ZDHHC1: variants seen among roughly 807,000 people sequenced by gnomAD.
The protein encoded by ZDHHC1 is palmitoyltransferase ZDHHC1.
ZDHHC1 carries 45 observed loss-of-function variants against 46.9 expected under a neutral mutation model. That is an observed-to-expected ratio of 0.96 (90% confidence interval 0.76 to 1.23). ZDHHC1 has a LOEUF of 1.23. Ranked by LOEUF, ZDHHC1 falls within the 50% of genes most tolerant of loss-of-function variation. The pLI is 0.00. For synonymous variants in ZDHHC1, 291 were observed against 286.0 expected, an observed-to-expected ratio of 1.02 and a Z score of -0.18; for missense variants, 649 against 670.8, an observed-to-expected ratio of 0.97 and a Z score of 0.36.
intron 3 of ZDHHC1, chr16:67,404,589 T>C (rs2040618116): frequency 2.3e-6 from 1 of 435,772 alleles, no homozygotes. Context: ...AGACGAACCC[T>C]GAATGCGGAG....
Position 67,394,595 on chromosome 16 carries a change from G to T in ZDHHC1, c.*15C>A. 1 of 1,168,664 alleles carries T rather than the reference G, an allele frequency of 8.6e-7. No homozygotes were observed. Among genetic ancestry groups the T allele is most frequent in the Non-Finnish European group, 1.1e-6 (1 of 947,532 alleles). The allele number at this position is 1,168,664 out of a possible 1,614,324, so 72.4% of individuals were successfully genotyped here. On this transcript the variant is annotated 3_prime_UTR_variant, in exon 12 of 12. Transcript: ENST00000565726. The stretch of plus-strand genomic sequence containing the variant: ...GCCGGCCGCTCTAACTCGGCCCTCC[G>T]GCCTCTCGGCCCAGCTAAGCCAGAC...
chr16:67,416,378 T>TGGCTCCGGGTCTGGCTCC lies in ZDHHC1; in HGVS notation c.-247_-246insGGAGCCAGACCCGGAGCC. ...CCGGTGAGTCCTCGAGCTCTGGCTC[T>TGGCTCCGGGTCTGGCTCC]GGCTCCGGCTCCGGCTCCGGCTCCG... is the stretch of plus-strand genomic sequence containing the variant. On this transcript the variant is annotated 5_prime_UTR_variant, in exon 1 of 12. Coordinates refer to ENST00000565726, the MANE Select transcript of ZDHHC1 (RefSeq NM_001323627.2). 1 of 202,658 alleles carries TGGCTCCGGGTCTGGCTCC rather than the reference T, an allele frequency of 4.9e-6. No homozygotes were observed. Among genetic ancestry groups the TGGCTCCGGGTCTGGCTCC allele is most frequent in the South Asian group, 5.5e-5 (1 of 18,040 alleles). The allele number at this position is 202,658 out of a possible 1,614,324, so 12.6% of individuals were successfully genotyped here.
rs2040394976 is a variant in ZDHHC1, at chr16:67,394,996, G to A, written c.1165+6C>T. On this transcript the variant is annotated splice_donor_region_variant and intron_variant, in intron 11 of 11. Coordinates refer to ENST00000565726, the MANE Select transcript of ZDHHC1 (RefSeq NM_001323627.2). ...GAGCAGGACCCGGACAGGGAGAGGCGCTCACCCGACGCCGGATCCGAGGTC... is the reference window on the plus strand; with the variant it reads ...GAGCAGGACCCGGACAGGGAGAGGCACTCACCCGACGCCGGATCCGAGGTC... 2 of 1,606,926 alleles carry A rather than the reference G, an allele frequency of 1.2e-6. No individual in the cohort carries two copies.
At chr16:67,412,340 A>C (rs746969796) in intron 1 of ZDHHC1, among the ~76,000 whole-genome samples, 47 of 151,988 alleles carry the variant, frequency 3.1e-4, no homozygotes, top group Admixed American at 7.9e-4. Context: ...TTGAAAAAAA[A>C]AAAGTATGTC....
intron 1 of ZDHHC1, 127 bp downstream of exon 1, chr16:67,416,044 C>T (rs1387690562): frequency 6.6e-6 from 1 of 152,260 alleles, no homozygotes; most frequent in Non-Finnish European, 1.5e-5. Context: ...CGCGCTCTGC[C>T]GGGGCCCTGG....
At chr16:67,409,858 C>G (rs948716973) in intron 1 of ZDHHC1, among the ~76,000 whole-genome samples, 1 of 152,188 alleles carries the variant, frequency 6.6e-6, no homozygotes, top group Admixed American at 6.5e-5. Context: ...TGCCTGCCCT[C>G]AGGGGCTTCT....
Position 67,394,802 on chromosome 16 carries a change from G to T in ZDHHC1, c.1257C>A (p.His419Gln). The T allele has an allele frequency of 6.5e-7, 1 of 1,531,434 alleles. No individual in the cohort carries two copies. The highest frequency in any genetic ancestry group is 8.7e-7 in the Non-Finnish European group (1 of 1,143,456). The allele number at this position is 1,531,434 out of a possible 1,614,324, so 94.9% of individuals were successfully genotyped here. A position where few individuals can be genotyped will look rare whatever the true frequency, so the allele number is the denominator to read the frequency against. Residue 419 changes from histidine (H) to glutamine (Q), a missense_variant, in exon 12 of 12, where the codon CAC (histidine) becomes CAA (glutamine). His to Gln is a conservative substitution (Grantham distance 24). Coordinates refer to ENST00000565726, the MANE Select transcript of ZDHHC1 (RefSeq NM_001323627.2). The stretch of plus-strand genomic sequence containing the variant: ...CGTCCACGGACTCTGCCGACGCCGA[G>T]TGGTAGGCGCCGGCAGGGCCAGCGG... ...VHAAGPAGAY[H>Q]SASAESVDEI...
rs569706343 is a variant in ZDHHC1, at chr16:67,394,551, G to A, written c.*59C>T. ...GTGCACTCGGTGCGGCAAGGATGGG[G>A]TGTTGCATAGAGAGTCAGGCCGGCC... On this transcript the variant is annotated 3_prime_UTR_variant, in exon 12 of 12. Transcript: ENST00000565726. The A allele has an allele frequency of 1.6e-5, 18 of 1,123,716 alleles. No individual in the cohort carries two copies. In the South Asian group the frequency reaches 6.6e-4, roughly 41 times the overall value. 69.6% of individuals were successfully genotyped at this position (1,123,716 alleles called of 1,614,324 possible).
Position 67,399,354 on chromosome 16 carries a change from C to T in ZDHHC1, c.530+1G>A, listed in dbSNP as rs1202889367. 23 of 1,612,080 alleles carry T rather than the reference C, an allele frequency of 1.4e-5. No homozygotes were observed. The highest frequency in any genetic ancestry group is 2.0e-5 in the Non-Finnish European group (23 of 1,179,186). On this transcript the variant is annotated splice_donor_variant, in intron 5 of 11. Coordinates refer to ENST00000565726, the MANE Select transcript of ZDHHC1 (RefSeq NM_001323627.2). LOFTEE classifies it high-confidence loss of function. ...CCCGCGTGCGGCCGGGCTGTCCTCA[C>T]CGGTAGTTCCGCTCGCCCACACAGT... is the stretch of plus-strand genomic sequence containing the variant.
At chr16:67,403,452 C>T (rs1179894988) in intron 3 of ZDHHC1, among the ~76,000 whole-genome samples, 2 of 152,142 alleles carry the variant, frequency 1.3e-5, no homozygotes, top group Non-Finnish European at 2.9e-5. Flanking sequence ...AATTTAGCTG[C>T]GTGTTGGGAG....
intron 1 of ZDHHC1, among the ~76,000 whole-genome samples, chr16:67,412,683 T>G (rs2040766665): frequency 6.6e-6 from 1 of 152,222 alleles, no homozygotes; most frequent in Non-Finnish European, 1.5e-5. Flanking sequence ...CTCAGCTACC[T>G]GAGACTCCCA....
chr16:67,410,928 A>G (rs1033369164), intron 1 of ZDHHC1, among the ~76,000 whole-genome samples: 3 of 152,104 alleles, frequency 2.0e-5, no homozygotes, highest in African/African-American at 4.8e-5. Flanking sequence ...TCGGCCTCCC[A>G]AAGTGCTAGG....
intron 8 of ZDHHC1, among the ~76,000 whole-genome samples, chr16:67,396,913 C>T (rs1404547447): frequency 1.3e-5 from 2 of 152,196 alleles, no homozygotes; most frequent in Non-Finnish European, 2.9e-5. Context: ...GGGAAAGGCG[C>T]CAGGCCCTAG....
Position 67,416,410 on chromosome 16 carries a change from G to GCTCCGT in ZDHHC1, c.-279_-278insACGGAG, listed in dbSNP as rs1175896611. On this transcript the variant is annotated 5_prime_UTR_variant, in exon 1 of 12. Transcript: ENST00000565726. ...GGCTCCGGCTCCGGCTCCGGCTCCG[G>GCTCCGT]CTCCGGCTCCAGCAGGCTGGAGGGG... 11 of 215,750 alleles carry GCTCCGT rather than the reference G, an allele frequency of 5.1e-5. No individual in the cohort carries two copies. The highest frequency in any genetic ancestry group is 1.0e-4 in the Non-Finnish European group (11 of 105,688). 13.4% of individuals were successfully genotyped at this position (215,750 alleles called of 1,614,324 possible).
At chr16:67,399,291 G>A (rs2040498563) in intron 5 of ZDHHC1, 64 bp downstream of exon 5, 3 of 1,429,104 alleles carry the variant, frequency 2.1e-6, no homozygotes, top group Non-Finnish European at 2.9e-6. Context: ...CGAGCTGCAA[G>A]GTCTGTGGCT....
intron 4 of ZDHHC1, among the ~76,000 whole-genome samples, chr16:67,400,150 A>G (rs1215279284): frequency 6.6e-6 from 1 of 152,176 alleles, no homozygotes; most frequent in Non-Finnish European, 1.5e-5. Context: ...GCGGGTGCCC[A>G]GTGAATGGCA....
At chr16:67,400,865 G>A (rs1337546603) in intron 4 of ZDHHC1, 92 bp downstream of exon 4, 1 of 1,440,182 alleles carries the variant, frequency 6.9e-7, no homozygotes, top group African/African-American at 1.4e-5. Flanking sequence ...AGGGTTCTGA[G>A]GCATCAGGGA....
intron 1 of ZDHHC1, among the ~76,000 whole-genome samples, chr16:67,413,806 G>A (rs1366775903): frequency 3.3e-5 from 5 of 152,116 alleles, no homozygotes; most frequent in Non-Finnish European, 5.9e-5. Flanking sequence ...AGGCATGGAC[G>A]TGGGTGCCTG....
At chr16:67,397,243 A>G (rs1051367349) in intron 8 of ZDHHC1, among the ~76,000 whole-genome samples, 1 of 152,336 alleles carries the variant, frequency 6.6e-6, no homozygotes, top group African/African-American at 2.4e-5. Flanking sequence ...GGTGCTGCCT[A>G]TGAGGCTTGA....
Sources: gnomAD v4.1 joint callset for allele counts (sites outside exome capture counted in the v4.1 genomes callset) on GRCh38, gnomAD v4.1.1 for gene constraint, MANE v1.5 for transcripts, NCBI Gene and HGNC (gene_info 2026-07-23, HGNC 2026-07-21) for gene names.